ARHGEF18: variants seen among roughly 807,000 people sequenced by gnomAD.
ARHGEF18 encodes the protein Rho/Rac guanine nucleotide exchange factor 18.
In ARHGEF18, 93 loss-of-function variants were observed where a neutral mutation model predicts 155.7. The observed-to-expected ratio is 0.60, with a 90% CI of 0.50 to 0.71. The LOEUF (loss-of-function observed/expected upper bound fraction) is 0.71, where lower values mean the gene tolerates loss of function less well. Among genes scored for constraint, ARHGEF18 ranks in the 30% least tolerant of loss-of-function variants. ARHGEF18 has a pLI of 0.00. For synonymous variants in ARHGEF18, 742 were observed against 753.1 expected, an observed-to-expected ratio of 0.99 and a Z score of 0.24; for missense variants, 1,593 against 1,816.1, an observed-to-expected ratio of 0.88 and a Z score of 2.23.
chr19:7,433,834 A>G (rs569025768), intron 10 of ARHGEF18, among the ~76,000 whole-genome samples: 20 of 152,048 alleles, frequency 1.3e-4, no homozygotes, highest in African/African-American at 4.3e-4. Flanking sequence ...AGCTTGGCCA[A>G]CGTGGAGAAA....
At chr19:7,383,710 C>A (rs1447827302) in intron 10 of ARHGEF18, among the ~76,000 whole-genome samples, 1 of 151,968 alleles carries the variant, frequency 6.6e-6, no homozygotes, top group Non-Finnish European at 1.5e-5. Flanking sequence ...GGATTAGGGG[C>A]CCACCACACT....
intron 2 of ARHGEF18, among the ~76,000 whole-genome samples, chr19:7,367,758 A>AAAAAT (rs377535487): frequency 2.7e-5 from 2 of 74,114 alleles, no homozygotes; most frequent in African/African-American, 1.4e-4. Flanking sequence ...AAAAAAAAAA[A>AAAAAT]ATATATATAT....
chr19:7,399,913 T>C (rs917134224), intron 10 of ARHGEF18, among the ~76,000 whole-genome samples: 2 of 151,706 alleles, frequency 1.3e-5, no homozygotes, highest in Non-Finnish European at 2.9e-5. Context: ...GCTAGGACTA[T>C]AGGTGCGTAC....
intron 1 of ARHGEF18, among the ~76,000 whole-genome samples, chr19:7,353,931 T>A (rs1600164534): frequency 7.1e-6 from 1 of 140,162 alleles, no homozygotes; most frequent in African/African-American, 2.7e-5. Context: ...TGCACTCCAG[T>A]CTGGGTGACA....
Position 7,458,583 on chromosome 19 carries a change from G to A in ARHGEF18, c.2253G>A (p.Met751Ile), listed in dbSNP as rs773568985. The A allele has an allele frequency of 6.2e-7, 1 of 1,614,182 alleles. No individual in the cohort carries two copies. Among genetic ancestry groups the A allele is most frequent in the Non-Finnish European group, 8.5e-7 (1 of 1,180,040 alleles). ...AAGTGGCCAACGAGGAGAAAGCGATGTTTCTGATCAGCGCCTCCTTGCAAG... is the reference window on the plus strand; with the variant it reads ...AAGTGGCCAACGAGGAGAAAGCGATATTTCTGATCAGCGCCTCCTTGCAAG... ...VREVANEEKA[M>I]FLISASLQGP... The change falls in exon 19 of 29, where the codon ATG becomes ATA. Residue 751 changes from methionine (M) to isoleucine (I), a missense_variant. By Grantham distance (10) the Met-to-Ile change is conservative. Coordinates refer to ENST00000668164, the MANE Select transcript of ARHGEF18 (RefSeq NM_001367823.1).
At chr19:7,385,887 C>CT (rs1568285859) in intron 10 of ARHGEF18, among the ~76,000 whole-genome samples, 1 of 41,030 alleles carries the variant, frequency 2.4e-5, no homozygotes, top group Non-Finnish European at 4.2e-5. Context: ...TCCCTCTCTC[C>CT]CTCCCTCCCT....
chr19:7,439,647 A>G, intron 10 of ARHGEF18: 1 of 1,128,748 alleles, frequency 8.9e-7, no homozygotes, highest in Non-Finnish European at 1.1e-6. Flanking sequence ...GTCCACTTCG[A>G]TGCTAGAATT....
chr19:7,438,420 T>A (rs1468452932), intron 10 of ARHGEF18, among the ~76,000 whole-genome samples: 3 of 148,988 alleles, frequency 2.0e-5, no homozygotes, highest in Admixed American at 6.7e-5. Context: ...TTTTTTTTTT[T>A]TTATTTTTGA....
chr19:7,401,591 A>T (rs931298308), intron 10 of ARHGEF18, among the ~76,000 whole-genome samples: 14 of 152,056 alleles, frequency 9.2e-5, no homozygotes, highest in African/African-American at 3.4e-4. Flanking sequence ...GCCCATCCCT[A>T]AGAGAGATGG....
chr19:7,412,250 C>T (rs575289317), intron 10 of ARHGEF18, among the ~76,000 whole-genome samples: 41 of 151,406 alleles, frequency 2.7e-4, no homozygotes, highest in African/African-American at 9.0e-4. Flanking sequence ...CTCCTGACTT[C>T]GTATTCCGGC....
chr19:7,469,043 G>A lies in ARHGEF18; in HGVS notation c.3699G>A (p.Gln1233=), dbSNP rs1381573627. ...NQFQRQAAVQ[Q]QIPTKLAAST... ...TCCAGAGGCAGGCGGCCGTGCAGCA[G>A]CAGATCCCCACCAAGCTGGCGGCCT... The change falls in exon 27 of 29, where the codon CAG becomes CAA. Residue 1233 remains glutamine (Q), a synonymous_variant. Transcript: ENST00000668164. 2.5e-6 allele frequency: 4 copies of A among 1,605,812 alleles called. No homozygotes were observed. Among genetic ancestry groups the A allele is most frequent in the Non-Finnish European group, 3.4e-6 (4 of 1,177,268 alleles).
chr19:7,430,170 G>A (rs1973875933), intron 10 of ARHGEF18, among the ~76,000 whole-genome samples: 1 of 151,934 alleles, frequency 6.6e-6, no homozygotes, highest in Non-Finnish European at 1.5e-5. Flanking sequence ...TGCACTTGGT[G>A]GATTTAACTT....
chr19:7,410,053 G>A (rs528875268), intron 10 of ARHGEF18, among the ~76,000 whole-genome samples: 6 of 151,406 alleles, frequency 4.0e-5, no homozygotes, highest in African/African-American at 1.5e-4. Context: ...CTCCCAAAGT[G>A]CTGGGATTAC....
At position 7,380,959 on chromosome 19, in the gene ARHGEF18, C is replaced by T. The variant is rs1205426267; in HGVS notation, c.687C>T (p.Ala229=). 8.1e-7 allele frequency: 1 copy of T among 1,232,028 alleles called. No homozygotes were observed. The highest frequency in any genetic ancestry group is 4.2e-5 in the Admixed American group (1 of 23,668). The allele number at this position is 1,232,028 out of a possible 1,614,324, so 76.3% of individuals were successfully genotyped here. A position where few individuals can be genotyped will look rare whatever the true frequency, so the allele number is the denominator to read the frequency against. Residue 229 remains alanine, a synonymous_variant, in exon 8 of 29, where the codon GCC becomes GCT. Coordinates refer to ENST00000668164, the MANE Select transcript of ARHGEF18 (RefSeq NM_001367823.1). ...RACMSASPGG[A]HSNLTWFEFL... is the part of the protein sequence containing the mutation. ...GCATGTCAGCCAGCCCCGGAGGAGC[C>T]CACTCGAACCTGACCTGGTTTGAAT...
chr19:7,461,377 C>T (rs1471251693), intron 20 of ARHGEF18, among the ~76,000 whole-genome samples: 2 of 152,134 alleles, frequency 1.3e-5, no homozygotes, highest in East Asian at 2.0e-4. Flanking sequence ...GGCAAAACCC[C>T]GTTTCTACTA....
intron 10 of ARHGEF18, among the ~76,000 whole-genome samples, chr19:7,412,848 T>TG (rs1972773194): frequency 6.6e-6 from 1 of 152,134 alleles, no homozygotes; most frequent in South Asian, 2.1e-4. Flanking sequence ...GAGCGTCTTT[T>TG]CATGTGCTGA....
chr19:7,454,561 G>C (rs992286100), intron 17 of ARHGEF18, among the ~76,000 whole-genome samples: 2 of 152,170 alleles, frequency 1.3e-5, no homozygotes, highest in Non-Finnish European at 2.9e-5. Context: ...TCTTGGTTTG[G>C]TTTGGTGGGT....
intron 15 of ARHGEF18, 73 bp from the exon 16 acceptor site, chr19:7,451,076 C>T: frequency 7.1e-7 from 1 of 1,403,764 alleles, no homozygotes; most frequent in Admixed American, 1.7e-5. Flanking sequence ...CTGTCCGTTT[C>T]TGAGATGTTA....
In ARHGEF18 at chr19:7,471,021, G is replaced by C; in HGVS notation, c.*723G>C. 2 of 390,046 alleles carry C rather than the reference G, an allele frequency of 5.1e-6. No individual in the cohort carries two copies. Among genetic ancestry groups the C allele is most frequent in the Non-Finnish European group, 9.1e-6 (2 of 220,552 alleles). 24.2% of individuals were successfully genotyped at this position (390,046 alleles called of 1,614,324 possible). ...CTTTGCCCCTTTTTACTTGGCATTG[G>C]TTTTGAAACCAGCTGTTTCCCAAAC... On this transcript the variant is annotated 3_prime_UTR_variant, in exon 29 of 29. Coordinates refer to ENST00000668164, the MANE Select transcript of ARHGEF18 (RefSeq NM_001367823.1). This position sits in a 1 kb window ranked among gnomAD's most constrained non-coding sequence, Gnocchi z 4.4.
Sources: gnomAD v4.1 joint callset for allele counts (sites outside exome capture counted in the v4.1 genomes callset) on GRCh38, gnomAD v4.1.1 for gene constraint, Gnocchi (gnomAD v3.1) non-coding constraint, MANE v1.5 for transcripts, NCBI Gene and HGNC (gene_info 2026-07-23, HGNC 2026-07-21) for gene names.